C10orf90: variants seen among roughly 807,000 people sequenced by gnomAD.
C10orf90 encodes the protein chromosome 10 open reading frame 90, also known as (E2-independent) E3 ubiquitin-conjugating enzyme FATS.
Under a neutral mutation model 62.5 loss-of-function variants are expected in C10orf90, and 56 were observed. The ratio of observed to expected loss-of-function variants is 0.90; its 90% confidence interval spans 0.72 to 1.12. The LOEUF (loss-of-function observed/expected upper bound fraction) is 1.12. Among genes scored for constraint, C10orf90 ranks in the 50% most tolerant of loss-of-function variants. The pLI, the probability that C10orf90 is intolerant of heterozygous loss-of-function variation, is 0.00. For synonymous variants in C10orf90, 386 were observed against 340.4 expected (o/e 1.13, Z -1.47); for missense variants, 970 against 880.4 (o/e 1.10, Z -1.29).
chr10:126,669,018 A>C (rs1846692784), intron 1 of C10orf90, among the ~76,000 whole-genome samples: 2 of 152,248 alleles, frequency 1.3e-5, no homozygotes, highest in Non-Finnish European at 2.9e-5. Flanking sequence ...ATGCATAATA[A>C]TGTAATTCAA....
intron 1 of C10orf90, among the ~76,000 whole-genome samples, chr10:126,654,478 T>C (rs1474064132): frequency 2.0e-5 from 3 of 152,242 alleles, no homozygotes; most frequent in Non-Finnish European, 4.4e-5. Flanking sequence ...CTCTCAGGCT[T>C]CATAGAATTA....
rs2133964375 is a variant in C10orf90 at position 126,425,267 on chromosome 10, A to G, written c.*597T>C. The G allele has an allele frequency of 6.6e-6, 1 of 152,456 alleles. No individual in the cohort carries two copies. Among genetic ancestry groups the G allele is most frequent in the African/African-American group, 2.4e-5 (1 of 41,568 alleles). 9.4% of individuals were successfully genotyped at this position (152,456 alleles called of 1,614,324 possible). A position where few individuals can be genotyped will look rare whatever the true frequency, so the allele number is the denominator to read the frequency against. The stretch of plus-strand genomic sequence containing the variant: ...GGTGAGGAATGGGGCGGGGTGACTG[A>G]GGGCCCTCTGACTGCTCCAGGTCAC... On this transcript the variant is annotated 3_prime_UTR_variant, in exon 10 of 10. Coordinates refer to ENST00000488181, the MANE Select transcript of C10orf90 (RefSeq NM_001350921.2).
At chr10:126,467,406 C>A (rs577886518) in intron 4 of C10orf90, among the ~76,000 whole-genome samples, 8 of 152,348 alleles carry the variant, frequency 5.3e-5, no homozygotes, top group African/African-American at 1.7e-4. Flanking sequence ...CATGTGTGCT[C>A]TTCTCCTCCC....
intron 4 of C10orf90, among the ~76,000 whole-genome samples, chr10:126,495,105 G>A (rs1399969820): frequency 2.6e-5 from 4 of 152,210 alleles, no homozygotes; most frequent in Non-Finnish European, 5.9e-5. Context: ...AGGTTACCCT[G>A]ACACTCACAG....
chr10:126,483,948 T>C (rs1465777129), intron 4 of C10orf90, among the ~76,000 whole-genome samples: 5 of 152,126 alleles, frequency 3.3e-5, no homozygotes. Flanking sequence ...TCCCACTCAT[T>C]GAAAATCAAC....
At position 126,447,975 on chromosome 10, in the gene C10orf90, C is replaced by T. The variant is rs546377652; in HGVS notation, c.2188+11065G>A. ...CAAGTGACTCTCCTGCCTCAGCCTC[C>T]CAAGCAGCTGGGACTACAGGAGCCT... On this transcript the variant is annotated intron_variant, in intron 7 of 9. Transcript: ENST00000488181. Among the ~76,000 whole-genome samples, 683 of 151,140 alleles carry T rather than the reference C, an allele frequency of 4.5e-3. 6 individuals carry two copies. The highest frequency in any genetic ancestry group is 0.016 in the African/African-American group (652 of 41,138).
chr10:126,466,342 T>G (rs1490143291), intron 4 of C10orf90, among the ~76,000 whole-genome samples: 1 of 147,684 alleles, frequency 6.8e-6, no homozygotes, highest in African/African-American at 2.6e-5. Flanking sequence ...TGAAATCCCG[T>G]CTCTACTAAA....
chr10:126,432,530 G>A (rs1857646884), intron 7 of C10orf90, among the ~76,000 whole-genome samples: 1 of 152,206 alleles, frequency 6.6e-6, no homozygotes, highest in African/African-American at 2.4e-5. Context: ...ATGCCACCAT[G>A]TGTCAAAGGG....
At chr10:126,431,453 C>T (rs1857563308) in intron 7 of C10orf90, among the ~76,000 whole-genome samples, 1 of 152,176 alleles carries the variant, frequency 6.6e-6, no homozygotes, top group Non-Finnish European at 1.5e-5. Context: ...GGTCCCTGCT[C>T]CAGGCAGCAC....
At chr10:126,506,456 CT>C (rs1054154619) in intron 3 of C10orf90, among the ~76,000 whole-genome samples, 5 of 152,262 alleles carry the variant, frequency 3.3e-5, no homozygotes, top group Admixed American at 2.6e-4. Flanking sequence ...TAAGCTCCCA[CT>C]GCTTGCAGAG....
intron 2 of C10orf90, among the ~76,000 whole-genome samples, chr10:126,535,581 C>G (rs1864214062): frequency 6.6e-6 from 1 of 151,836 alleles, no homozygotes; most frequent in Non-Finnish European, 1.5e-5. Flanking sequence ...CAACATGGCA[C>G]ATGGATACAT....
At position 126,611,661 on chromosome 10, in the gene C10orf90, T is replaced by C. The variant is rs1845437772; in HGVS notation, c.313+34904A>G. 2.6e-5 allele frequency among the ~76,000 whole-genome samples: 4 copies of C among 152,346 alleles called. No homozygotes were observed. In the South Asian group the frequency reaches 8.3e-4, roughly 32 times the overall value. Reference sequence around the variant, plus strand: ...TCTTGTCAGCAAATATTATTATTATTAAATTTTGGTTCCACACTCATTCTT... The same window carrying C: ...TCTTGTCAGCAAATATTATTATTATCAAATTTTGGTTCCACACTCATTCTT... On this transcript the variant is annotated intron_variant, in intron 2 of 9. Transcript: ENST00000488181.
intron 1 of C10orf90, among the ~76,000 whole-genome samples, chr10:126,661,670 C>CT (rs56106518): frequency 2.0e-3 from 286 of 144,714 alleles, no homozygotes; most frequent in Non-Finnish European, 1.8e-3. Context: ...CTCTCTCTCT[C>CT]TTTTTTTTTT....
Position 126,461,388 on chromosome 10 carries a change from C to G in C10orf90, c.2010+13G>C, listed in dbSNP as rs750586066. On this transcript the variant is annotated intron_variant, in intron 6 of 9. Coordinates refer to ENST00000488181, the MANE Select transcript of C10orf90 (RefSeq NM_001350921.2). Reference sequence around the variant, plus strand: ...TTGGCAGGAATCAAGCCAGGACACACAGAAGGCCTTACTTGCAAGGTCAAA... The same window carrying G: ...TTGGCAGGAATCAAGCCAGGACACAGAGAAGGCCTTACTTGCAAGGTCAAA... 1 of 1,613,070 alleles carries G rather than the reference C, an allele frequency of 6.2e-7. No individual in the cohort carries two copies.
At chr10:126,477,625 G>C (rs1225850095) in intron 4 of C10orf90, among the ~76,000 whole-genome samples, 1 of 152,176 alleles carries the variant, frequency 6.6e-6, no homozygotes, top group Non-Finnish European at 1.5e-5. Flanking sequence ...TAGCATTAGG[G>C]AAGCAGGGCC....
At chr10:126,642,734 C>T (rs758617731) in intron 2 of C10orf90, among the ~76,000 whole-genome samples, 2 of 152,252 alleles carry the variant, frequency 1.3e-5, no homozygotes, top group South Asian at 4.2e-4. Context: ...AGATTTACAA[C>T]CCTGACCTGT....
At chr10:126,605,879 G>GCATACATACATA (rs71488504) in intron 2 of C10orf90, among the ~76,000 whole-genome samples, 4,240 of 142,784 alleles carry the variant, frequency 0.03, 91 homozygotes, top group South Asian at 0.037. Context: ...ATACATACAT[G>GCATACATACATA]CATACATACA....
intron 6 of C10orf90, 101 bp from the exon 7 acceptor site, chr10:126,459,318 T>A: frequency 7.3e-7 from 1 of 1,360,966 alleles, no homozygotes; most frequent in Non-Finnish European, 1.0e-6. Flanking sequence ...AGCACAACAC[T>A]CAGAGACCAA....
intron 8 of C10orf90, among the ~76,000 whole-genome samples, chr10:126,428,773 GGTATATGC>G (rs1857403992): frequency 6.6e-6 from 1 of 152,160 alleles, no homozygotes; most frequent in Non-Finnish European, 1.5e-5. Context: ...TCTGGCATGA[GGTATATGC>G]AACTTTGCAC....
Sources: allele counts gnomAD v4.1 joint callset (sites outside exome capture counted in the v4.1 genomes callset), GRCh38; gene constraint gnomAD v4.1.1; transcripts MANE v1.5; gene names NCBI Gene and HGNC (gene_info 2026-07-23, HGNC 2026-07-21).